The following ANXA8 variants were observed in gnomAD, a reference collection of about 807,000 sequenced individuals.
ANXA8 encodes VAC-beta.
A neutral mutation model predicts 26.8 loss-of-function variants in ANXA8; 9 were observed. The ratio of observed to expected loss-of-function variants is 0.34; its 90% confidence interval spans 0.20 to 0.59. The LOEUF is 0.59. Ranked by LOEUF, ANXA8 falls within the 20% of genes least tolerant of loss-of-function variation. The probability of loss-of-function intolerance (pLI) is 0.84; values close to 1 mark genes in which losing one functional copy is unlikely to be tolerated. For synonymous variants in ANXA8, 39 were observed against 94.8 expected, an observed-to-expected ratio of 0.41 and a Z score of 3.42; for missense variants, 83 against 238.5, an observed-to-expected ratio of 0.35 and a Z score of 4.29.
chr10:47,546,176 G>A, the ANXA8 span, among the ~76,000 whole-genome samples: 36 of 136,744 alleles, frequency 2.6e-4, no homozygotes, highest in African/African-American at 9.5e-4. Flanking sequence ...TATTAAATAC[G>A]TACAGAAAAC....
the ANXA8 span, among the ~76,000 whole-genome samples, chr10:47,621,940 C>T: frequency 9.9e-6 from 1 of 100,796 alleles, no homozygotes; most frequent in South Asian, 3.4e-4. Flanking sequence ...CTTTTTAAAA[C>T]TAATTCAGGA....
At chr10:47,730,787 TC>T in the ANXA8 span, among the ~76,000 whole-genome samples, 1 of 149,388 alleles carries the variant, frequency 6.7e-6, no homozygotes, top group African/African-American at 2.5e-5. Flanking sequence ...GAGAAGACAC[TC>T]CTTCAGAAAC....
At chr10:47,743,732 C>A in the ANXA8 span, among the ~76,000 whole-genome samples, 1 of 150,108 alleles carries the variant, frequency 6.7e-6, no homozygotes. Flanking sequence ...GGCCACAGGC[C>A]GCGGATCGCG....
At chr10:47,959,256 T>G in the ANXA8 span, among the ~76,000 whole-genome samples, 2 of 147,312 alleles carry the variant, frequency 1.4e-5, no homozygotes, top group Admixed American at 1.3e-4. Flanking sequence ...TAATGCTGGT[T>G]GCATGACCTG....
the ANXA8 span, among the ~76,000 whole-genome samples, chr10:47,704,770 G>A: frequency 6.6e-6 from 1 of 151,984 alleles, no homozygotes; most frequent in Non-Finnish European, 1.5e-5. Context: ...AGCTGTCATT[G>A]ACAACAATAT....
chr10:47,589,943 AGAT>A, the ANXA8 span, among the ~76,000 whole-genome samples: 3 of 144,972 alleles, frequency 2.1e-5, no homozygotes, highest in Admixed American at 2.0e-4. Context: ...ATAGATAGAT[AGAT>A]AGTTGCTGCC....
chr10:47,980,334 G>A, the ANXA8 span, among the ~76,000 whole-genome samples: 7 of 151,584 alleles, frequency 4.6e-5, no homozygotes, highest in South Asian at 4.2e-4. Flanking sequence ...GAAAGATCTC[G>A]ATAACCCAGA....
chr10:47,618,122 C>CA, the ANXA8 span, among the ~76,000 whole-genome samples: 1 of 109,750 alleles, frequency 9.1e-6, no homozygotes, highest in East Asian at 2.1e-4. Flanking sequence ...TCATTCACAA[C>CA]AAAAACGATG....
At chr10:47,526,354 C>T in the ANXA8 span, among the ~76,000 whole-genome samples, 1 of 135,364 alleles carries the variant, frequency 7.4e-6, no homozygotes, top group Non-Finnish European at 1.5e-5. Context: ...ATCCACCTGC[C>T]TTGGCCTCCC....
chr10:47,585,668 CAA>C, the ANXA8 span, among the ~76,000 whole-genome samples: 3 of 140,784 alleles, frequency 2.1e-5, no homozygotes, highest in African/African-American at 8.5e-5. Context: ...ACAAAATTCC[CAA>C]GTTTATATTG....
At chr10:47,561,953 A>G in the ANXA8 span, among the ~76,000 whole-genome samples, 15 of 151,434 alleles carry the variant, frequency 9.9e-5, no homozygotes, top group East Asian at 2.9e-3. Context: ...AGAGACCTGA[A>G]TGAGATGGGG....
the ANXA8 span, among the ~76,000 whole-genome samples, chr10:47,675,004 T>G: frequency 6.8e-6 from 1 of 147,418 alleles, no homozygotes; most frequent in African/African-American, 2.6e-5. Flanking sequence ...TATATTTTTC[T>G]GTCTCAATCC....
chr10:47,680,662 A>T, the ANXA8 span, among the ~76,000 whole-genome samples: 3 of 152,114 alleles, frequency 2.0e-5, no homozygotes, highest in Non-Finnish European at 2.9e-5. Flanking sequence ...ATTGTACCCC[A>T]TAAGTATGTA....
the ANXA8 span, among the ~76,000 whole-genome samples, chr10:47,949,547 T>C: frequency 6.6e-6 from 1 of 150,786 alleles, no homozygotes; most frequent in Non-Finnish European, 1.5e-5. Flanking sequence ...TAATTGATTG[T>C]TTAAACAAAA....
chr10:47,721,615 T>G, the ANXA8 span, among the ~76,000 whole-genome samples: 3 of 129,028 alleles, frequency 2.3e-5, no homozygotes, highest in African/African-American at 8.6e-5. Context: ...CATCGCAACC[T>G]CTGCCTCCCA....
the ANXA8 span, among the ~76,000 whole-genome samples, chr10:47,768,524 G>A: frequency 6.6e-6 from 1 of 150,838 alleles, no homozygotes; most frequent in South Asian, 2.1e-4. Context: ...GAGAGTGAGG[G>A]AGGGAGGGGA....
At chr10:47,525,382 G>C in the ANXA8 span, among the ~76,000 whole-genome samples, 1 of 143,192 alleles carries the variant, frequency 7.0e-6, no homozygotes, top group African/African-American at 2.6e-5. Context: ...CTCCTGCCTG[G>C]ACAACAGAGC....
the ANXA8 span, chr10:47,706,676 T>C: frequency 5.8e-5 from 74 of 1,280,886 alleles, 13 homozygotes; most frequent in Non-Finnish European, 7.3e-5. Flanking sequence ...CTGCTGTTGA[T>C]GTTTTTCGAA....
At chr10:47,491,502 TC>T in the ANXA8 span, 12 of 752,968 alleles carry the variant, frequency 1.6e-5, no homozygotes, top group Non-Finnish European at 2.3e-5. Flanking sequence ...GGCCAAGGCC[TC>T]CCCGCAGGTC....
Sources: allele counts gnomAD v4.1 joint callset (sites outside exome capture counted in the v4.1 genomes callset), GRCh38; gene constraint gnomAD v4.1.1; transcripts MANE v1.5; gene names NCBI Gene and HGNC (gene_info 2026-07-23, HGNC 2026-07-21).